Variants in KLK5 observed in about 807,000 individuals in gnomAD.
KLK5 encodes kallikrein related peptidase 5.
Under a neutral mutation model 24.0 loss-of-function variants are expected in KLK5, and 18 were observed. The observed-to-expected ratio is 0.75, with a 90% CI of 0.52 to 1.11. The LOEUF (loss-of-function observed/expected upper bound fraction) is 1.11, where lower values mean the gene tolerates loss of function less well. Among genes scored for constraint, KLK5 ranks in the 50% most tolerant of loss-of-function variants. The probability of loss-of-function intolerance (pLI) is 0.00; values close to 1 mark genes in which losing one functional copy is unlikely to be tolerated. For synonymous variants in KLK5, 140 were observed against 154.0 expected (o/e 0.91, Z 0.67); for missense variants, 374 against 379.2 (o/e 0.99, Z 0.11).
At chr19:50,945,508 C>T (rs2090623953) in intron 5 of KLK5, among the ~76,000 whole-genome samples, 1 of 151,758 alleles carries the variant, frequency 6.6e-6, no homozygotes, top group Non-Finnish European at 1.5e-5. Flanking sequence ...ATGTCTATCT[C>T]CCACCTGGGC....
At chr19:50,952,539 C>T (rs2090696551) in intron 2 of KLK5, 46 bp downstream of exon 2, 1 of 1,451,362 alleles carries the variant, frequency 6.9e-7, no homozygotes, top group African/African-American at 1.4e-5. Context: ...GCCGCAGAGA[C>T]AGTCCTCCCA....
Position 50,949,006 on chromosome 19 carries a change from C to T in KLK5, c.445G>A (p.Gly149Ser), listed in dbSNP as rs761551466. The part of the protein sequence containing the change: ...SIPHPGYSHP[G>S]HSNDLMLIKL... ...ATGAGCATGAGGTCGTTAGAGTGGC[C>T]AGGGTGGGAGTAGCCAGGGTGGGGG... Residue 149 changes from glycine (G) to serine (S), a missense_variant, in exon 4 of 6, where the codon GGC becomes AGC. By Grantham distance (56) the Gly-to-Ser change is moderately conservative (BLOSUM62 0). Coordinates refer to ENST00000336334, the MANE Select transcript of KLK5 (RefSeq NM_012427.5). The T allele has an allele frequency of 1.9e-5, 31 of 1,613,744 alleles. No individual in the cohort carries two copies. In the Admixed American group the frequency reaches 5.2e-4, roughly 27 times the overall value.
Position 50,948,862 on chromosome 19 carries a change from G to C in KLK5, c.589C>G (p.Gln197Glu), listed in dbSNP as rs2090658330. The C allele has an allele frequency of 6.2e-7, 1 of 1,613,912 alleles. No individual in the cohort carries two copies. Among genetic ancestry groups the C allele is most frequent in the South Asian group, 1.1e-5 (1 of 91,064 alleles). Reference sequence around the variant, plus strand: ...CAAGAAGAACCTGGACACTCACCTTGGGGGCTCTTGGTTGTCCCCCAGCCA... The same window carrying C: ...CAAGAAGAACCTGGACACTCACCTTCGGGGCTCTTGGTTGTCCCCCAGCCA... The part of the protein sequence containing the change: ...VSGWGTTKSP[Q>E]VHFPKVLQCL... The change falls in exon 4 of 6, where the codon CAA (glutamine) becomes GAA (glutamate). Residue 197 changes from glutamine (Q) to glutamate (E), a missense_variant. Coordinates refer to ENST00000336334, the MANE Select transcript of KLK5 (RefSeq NM_012427.5).
chr19:50,944,165 G>A (rs552472882), intron 5 of KLK5, among the ~76,000 whole-genome samples: 4 of 152,050 alleles, frequency 2.6e-5, no homozygotes, highest in East Asian at 1.9e-4. Flanking sequence ...CACCACACCC[G>A]GCTAATTTTT....
chr19:50,945,631 GA>G (rs57848074), intron 5 of KLK5, among the ~76,000 whole-genome samples: 2,419 of 144,120 alleles, frequency 0.017, 36 homozygotes, highest in Non-Finnish European at 0.018. Flanking sequence ...CATCTCTACG[GA>G]AAAAAAAAAA....
intron 3 of KLK5, 33 bp downstream of exon 3, chr19:50,949,822 C>A: frequency 9.5e-7 from 1 of 1,053,760 alleles, no homozygotes; most frequent in South Asian, 1.4e-5. Context: ...CTTCCCCGTC[C>A]CCACCAACCC....
In KLK5 at chr19:50,943,613, G is replaced by T. The variant is rs759297010; in HGVS notation, c.*18C>A. 22 of 1,605,840 alleles carry T rather than the reference G, an allele frequency of 1.4e-5. No individual in the cohort carries two copies. Among genetic ancestry groups the T allele is most frequent in the Non-Finnish European group, 1.7e-5 (20 of 1,173,552 alleles). On this transcript the variant is annotated 3_prime_UTR_variant, in exon 6 of 6. Coordinates refer to ENST00000336334, the MANE Select transcript of KLK5 (RefSeq NM_012427.5). Reference sequence around the variant, plus strand: ...CTGCAGCAGGTGGGGATGCCGGTGTGCTGAGTCCTGGGATGACTCAGGAGT... The same window carrying T: ...CTGCAGCAGGTGGGGATGCCGGTGTTCTGAGTCCTGGGATGACTCAGGAGT...
At chr19:50,949,163 C>T (rs371315709) in intron 3 of KLK5, 48 bp from the exon 4 acceptor site, 80 of 1,576,302 alleles carry the variant, frequency 5.1e-5, no homozygotes, top group African/African-American at 1.1e-4. Flanking sequence ...TCTATCTCCA[C>T]GTCCAACGCC....
rs888099433 is a variant in KLK5 at position 50,947,681 on chromosome 19, A to T, written c.726+959T>A. 7.2e-5 allele frequency among the ~76,000 whole-genome samples: 11 copies of T among 152,150 alleles called. No individual in the cohort carries two copies. Among genetic ancestry groups the T allele is most frequent in the Non-Finnish European group, 1.5e-4 (10 of 68,030 alleles). ...TACCAGATTTCTCTTTTCCTTCCTCAAGATATTTTACCAGCACTTGCTAGA... is the reference window on the plus strand; with the variant it reads ...TACCAGATTTCTCTTTTCCTTCCTCTAGATATTTTACCAGCACTTGCTAGA... On this transcript the variant is annotated intron_variant, in intron 5 of 5. Transcript: ENST00000336334. This position sits in a 1 kb window ranked among gnomAD's most constrained non-coding sequence, Gnocchi z 8.7.
intron 3 of KLK5, 97 bp from the exon 4 acceptor site, chr19:50,949,212 C>T: frequency 8.1e-7 from 1 of 1,227,750 alleles, no homozygotes; most frequent in Non-Finnish European, 1.1e-6. Flanking sequence ...CCACCCCCAT[C>T]CCCACCCCCG....
intron 5 of KLK5, 58 bp downstream of exon 5, chr19:50,948,582 C>T: frequency 1.9e-6 from 3 of 1,585,386 alleles, no homozygotes; most frequent in Non-Finnish European, 2.6e-6. Context: ...TGGCAACGCT[C>T]CATGTTACCG....
chr19:50,951,230 C>T (rs2090684915), intron 2 of KLK5, among the ~76,000 whole-genome samples: 1 of 152,118 alleles, frequency 6.6e-6, no homozygotes, highest in African/African-American at 2.4e-5. Context: ...CCCACTCCAT[C>T]ATCAGTCCTC....
In KLK5 at chr19:50,950,036, C is replaced by A. The variant is rs201755421; in HGVS notation, c.154G>T (p.Ala52Ser). ...VPSGSNQDLGAGAGEDARSDD... is the reference protein window; with the variant it reads ...VPSGSNQDLGSGAGEDARSDD... ...GACCGGGCGTCTTCCCCGGCCCCAG[C>A]TCCCAGGTCCTGGTTGCTCCCAGAG... is the stretch of plus-strand genomic sequence containing the variant. The change falls in exon 3 of 6, where the codon GCT (alanine) becomes TCT (serine). Residue 52 changes from alanine to serine, a missense_variant. Coordinates refer to ENST00000336334, the MANE Select transcript of KLK5 (RefSeq NM_012427.5). 6.2e-7 allele frequency: 1 copy of A among 1,613,728 alleles called. No individual in the cohort carries two copies. Among genetic ancestry groups the A allele is most frequent in the East Asian group, 2.2e-5 (1 of 44,882 alleles).
Position 50,943,703 on chromosome 19 carries a change from G to T in KLK5, c.810C>A (p.Asn270Lys). 6.2e-7 allele frequency: 1 copy of T among 1,613,818 alleles called. No homozygotes were observed. Among genetic ancestry groups the T allele is most frequent in the Non-Finnish European group, 8.5e-7 (1 of 1,179,800 alleles). ...SWGDYPCARPNRPGVYTNLCK... is the reference protein window; with the variant it reads ...SWGDYPCARPKRPGVYTNLCK... ...AGAGGTTCGTGTAGACACCCGGTCTGTTGGGCCGGGCACAAGGGTAATCTC... is the reference window on the plus strand; with the variant it reads ...AGAGGTTCGTGTAGACACCCGGTCTTTTGGGCCGGGCACAAGGGTAATCTC... The change falls in exon 6 of 6, where the codon AAC becomes AAA. Residue 270 changes from asparagine to lysine, a missense_variant. Physicochemically the swap from Asn to Lys is moderately conservative, Grantham distance 94 (BLOSUM62 0). Transcript: ENST00000336334.
At chr19:50,950,852 A>G (rs1005641467) in intron 2 of KLK5, among the ~76,000 whole-genome samples, 9 of 136,378 alleles carry the variant, frequency 6.6e-5, no homozygotes, top group African/African-American at 2.5e-4. Flanking sequence ...AGATCACGCC[A>G]CTGCACTCCA....
chr19:50,950,034 A>G lies in KLK5; in HGVS notation c.156T>C (p.Ala52=), dbSNP rs1327926189. The change falls in exon 3 of 6, where the codon GCT becomes GCC. Residue 52 remains alanine (A), a synonymous_variant. Coordinates refer to ENST00000336334, the MANE Select transcript of KLK5 (RefSeq NM_012427.5). The stretch of plus-strand genomic sequence containing the variant: ...CCGACCGGGCGTCTTCCCCGGCCCC[A>G]GCTCCCAGGTCCTGGTTGCTCCCAG... The part of the protein sequence containing the change: ...VPSGSNQDLG[A]GAGEDARSDD... 6.8e-6 allele frequency: 11 copies of G among 1,613,392 alleles called. No homozygotes were observed. The highest frequency in any genetic ancestry group is 1.3e-5 in the African/African-American group (1 of 74,764).
Position 50,947,181 on chromosome 19 carries a change from A to G in KLK5, c.726+1459T>C, listed in dbSNP as rs1035377340. Among the ~76,000 whole-genome samples, 3 of 152,232 alleles carry G rather than the reference A, an allele frequency of 2.0e-5. No homozygotes were observed. The highest frequency in any genetic ancestry group is 4.4e-5 in the Non-Finnish European group (3 of 68,044). On this transcript the variant is annotated intron_variant, in intron 5 of 5. Transcript: ENST00000336334. This position sits in a 1 kb window ranked among gnomAD's most constrained non-coding sequence, Gnocchi z 8.7. ...GTCTTCCTCAACAGATACAGCTTCCATTAGAACATAGGGAAGCTCTGTGTT... is the reference window on the plus strand; with the variant it reads ...GTCTTCCTCAACAGATACAGCTTCCGTTAGAACATAGGGAAGCTCTGTGTT...
At chr19:50,946,006 C>T (rs749002833) in intron 5 of KLK5, among the ~76,000 whole-genome samples, 6 of 152,210 alleles carry the variant, frequency 3.9e-5, no homozygotes, top group East Asian at 1.9e-4. Flanking sequence ...CCATTGCACC[C>T]GGCTTCATTT....
At chr19:50,948,516 A>C (rs1056520446) in intron 5 of KLK5, 124 bp downstream of exon 5, 1 of 891,724 alleles carries the variant, frequency 1.1e-6, no homozygotes, top group Non-Finnish European at 1.8e-6. Context: ...CTAGGGTATG[A>C]GCTCTGTGAG....
Sources: allele counts gnomAD v4.1 joint callset (sites outside exome capture counted in the v4.1 genomes callset), GRCh38; gene constraint gnomAD v4.1.1; non-coding constraint Gnocchi (gnomAD v3.1); transcripts MANE v1.5; gene names NCBI Gene and HGNC (gene_info 2026-07-23, HGNC 2026-07-21).